ELMO1: variants seen among roughly 807,000 people sequenced by gnomAD.
The protein encoded by ELMO1 is engulfment and cell motility 1.
In ELMO1, 26 loss-of-function variants were observed where a neutral mutation model predicts 98.9. That is an observed-to-expected ratio of 0.26 (90% CI 0.19 to 0.36). The LOEUF (loss-of-function observed/expected upper bound fraction) is 0.36, where lower values mean the gene tolerates loss of function less well. ELMO1 is among the 10% of genes least tolerant of loss of function. ELMO1 has a pLI of 1.00. For missense variants in ELMO1, 627 were observed against 935.2 expected, an observed-to-expected ratio of 0.67 and a Z score of 4.30; for synonymous variants, 346 against 346.0, an observed-to-expected ratio of 1.00 and a Z score of 0.00.
In ELMO1 at chr7:37,424,245, A is replaced by G. The variant is rs147753792; in HGVS notation, c.-74+24430T>C. 3.9e-4 allele frequency among the ~76,000 whole-genome samples: 59 copies of G among 152,336 alleles called. 1 individual carries two copies. The East Asian group carries it at 8.7e-3, about 22-fold the overall frequency. The stretch of plus-strand genomic sequence containing the variant: ...TCTTTACCTTTTCCTGCCAGCACTG[A>G]CCACCTGGGCAGCTCCGAATCTCCA... On this transcript the variant is annotated intron_variant, in intron 1 of 21. Transcript: ENST00000310758.
intron 15 of ELMO1, among the ~76,000 whole-genome samples, chr7:37,049,184 G>T (rs1795964562): frequency 6.6e-6 from 1 of 152,086 alleles, no homozygotes; most frequent in Non-Finnish European, 1.5e-5. Context: ...TACCACCTTG[G>T]ACTCAGGACA....
intron 16 of ELMO1, among the ~76,000 whole-genome samples, chr7:36,901,853 T>C (rs1025113399): frequency 2.0e-5 from 3 of 152,164 alleles, no homozygotes; most frequent in African/African-American, 7.2e-5. Context: ...CTTCACAAGA[T>C]GACTCTGGGT....
intron 14 of ELMO1, among the ~76,000 whole-genome samples, chr7:37,120,466 C>T (rs1297465571): frequency 6.6e-6 from 1 of 152,242 alleles, no homozygotes; most frequent in Non-Finnish European, 1.5e-5. Context: ...AAACGGCACA[C>T]CAGGAAATCA....
At chr7:36,857,075 TTTAAGC>T (rs1216527095) in intron 21 of ELMO1, among the ~76,000 whole-genome samples, 1 of 152,198 alleles carries the variant, frequency 6.6e-6, no homozygotes, top group African/African-American at 2.4e-5. Flanking sequence ...GGTCCTCCTT[TTTAAGC>T]TGAGGAGATG....
chr7:37,404,568 G>A (rs1803674683), intron 1 of ELMO1, among the ~76,000 whole-genome samples: 1 of 152,082 alleles, frequency 6.6e-6, no homozygotes, highest in South Asian at 2.1e-4. Context: ...GGCCCTTCAG[G>A]TTGTTCCAAT....
chr7:37,304,589 G>A (rs1403969955), intron 4 of ELMO1, among the ~76,000 whole-genome samples: 4 of 152,124 alleles, frequency 2.6e-5, no homozygotes, highest in East Asian at 3.9e-4. Context: ...GGTGGCGTGC[G>A]CCTGTAATCC....
At chr7:36,882,488 T>C (rs535964172) in intron 18 of ELMO1, among the ~76,000 whole-genome samples, 1 of 152,344 alleles carries the variant, frequency 6.6e-6, no homozygotes, top group East Asian at 1.9e-4. Flanking sequence ...TTCACTGAGC[T>C]TTCTTTAAAA....
At chr7:36,861,601 T>C (rs955519358) in intron 21 of ELMO1, 58 bp downstream of exon 21, 6 of 1,558,046 alleles carry the variant, frequency 3.9e-6, no homozygotes, top group Admixed American at 1.9e-5. Context: ...TTTCTTTCTA[T>C]ATTTTTCTTG....
At chr7:37,295,955 C>A (rs1332639691) in intron 4 of ELMO1, among the ~76,000 whole-genome samples, 2 of 152,102 alleles carry the variant, frequency 1.3e-5, no homozygotes, top group East Asian at 3.8e-4. Context: ...GTGGAGGAAA[C>A]GTGAATACAT....
rs1646466784 is a variant in ELMO1 at position 37,099,554 on chromosome 7, G to A, written c.1192-2827C>T. Among the ~76,000 whole-genome samples the A allele has an allele frequency of 1.3e-5, 2 of 151,960 alleles. 1 individual carries two copies. Among genetic ancestry groups the A allele is most frequent in the South Asian group, 4.1e-4 (2 of 4,824 alleles). On this transcript the variant is annotated intron_variant, in intron 14 of 21. Coordinates refer to ENST00000310758, the MANE Select transcript of ELMO1 (RefSeq NM_014800.11). The stretch of plus-strand genomic sequence containing the variant: ...CAGAAATCAAAATGAAGTACTAAAA[G>A]GTGCTATTACCACTCATCTTAGAAT...
At position 36,879,938 on chromosome 7, in the gene ELMO1, C is replaced by A. The variant is rs546752438; in HGVS notation, c.1715-1821G>T. 2.6e-5 allele frequency among the ~76,000 whole-genome samples: 4 copies of A among 152,196 alleles called. No individual in the cohort carries two copies. The South Asian group carries it at 8.3e-4, about 32-fold the overall frequency. On this transcript the variant is annotated intron_variant, in intron 18 of 21. Transcript: ENST00000310758. Reference sequence around the variant, plus strand: ...TATGGGTTTTTCATGAGGAGAGCAACCTTGGGGATTTGACTTGTAACTTAC... The same window carrying A: ...TATGGGTTTTTCATGAGGAGAGCAAACTTGGGGATTTGACTTGTAACTTAC...
intron 16 of ELMO1, among the ~76,000 whole-genome samples, chr7:36,950,905 C>T (rs759717134): frequency 1.3e-5 from 2 of 152,220 alleles, no homozygotes; most frequent in Non-Finnish European, 2.9e-5. Flanking sequence ...GTGTCTGCTT[C>T]TTGCCTCTCT....
chr7:37,335,856 T>C (rs1441309279), intron 2 of ELMO1, among the ~76,000 whole-genome samples: 1 of 152,242 alleles, frequency 6.6e-6, no homozygotes, highest in African/African-American at 2.4e-5. Flanking sequence ...TGGCCCGTGC[T>C]GGCTTTTCTT....
At chr7:37,276,079 C>T (rs11981079) in intron 4 of ELMO1, among the ~76,000 whole-genome samples, 11 of 152,148 alleles carry the variant, frequency 7.2e-5, no homozygotes, top group African/African-American at 2.2e-4. Context: ...CACTTCCGAG[C>T]GGGAAAACCT....
intron 13 of ELMO1, among the ~76,000 whole-genome samples, chr7:37,202,678 C>G (rs1476269228): frequency 6.6e-6 from 1 of 152,184 alleles, no homozygotes; most frequent in Non-Finnish European, 1.5e-5. Flanking sequence ...CTGAGCAGTA[C>G]TGAATGATCT....
chr7:37,322,325 A>C (rs1562612746), intron 2 of ELMO1, among the ~76,000 whole-genome samples: 1 of 152,108 alleles, frequency 6.6e-6, no homozygotes, highest in Non-Finnish European at 1.5e-5. Context: ...AAAAAATATA[A>C]AAATTAAAGG....
chr7:36,903,585 C>A (rs1390396544), intron 16 of ELMO1, among the ~76,000 whole-genome samples: 1 of 152,194 alleles, frequency 6.6e-6, no homozygotes, highest in African/African-American at 2.4e-5. Context: ...GGCCTCATCC[C>A]TTGAGATTCT....
chr7:37,316,004 T>C (rs770302813), intron 2 of ELMO1, 44 bp from the exon 3 acceptor site: 4 of 1,384,802 alleles, frequency 2.9e-6, no homozygotes, highest in Non-Finnish European at 4.0e-6. Context: ...TTTCGTTTCA[T>C]CATTTTAAAT....
At chr7:37,276,079 C>A (rs11981079) in intron 4 of ELMO1, among the ~76,000 whole-genome samples, 1,678 of 152,264 alleles carry the variant, frequency 0.011, 37 homozygotes, top group African/African-American at 0.039. Flanking sequence ...CACTTCCGAG[C>A]GGGAAAACCT....
Sources: gnomAD v4.1 joint callset for allele counts (sites outside exome capture counted in the v4.1 genomes callset) on GRCh38, gnomAD v4.1.1 for gene constraint, MANE v1.5 for transcripts, NCBI Gene and HGNC (gene_info 2026-07-23, HGNC 2026-07-21) for gene names.